Variants in IQCM observed in about 807,000 individuals in gnomAD.
IQCM encodes the protein IQ motif containing M, also known as IQ domain-containing protein M.
Under a neutral mutation model 57.6 loss-of-function variants are expected in IQCM, and 45 were observed. The ratio of observed to expected loss-of-function variants is 0.78; its 90% confidence interval spans 0.62 to 1.00. The LOEUF (loss-of-function observed/expected upper bound fraction) is 1.00, where lower values mean the gene tolerates loss of function less well. IQCM is among the 50% of genes least tolerant of loss of function. IQCM has a pLI of 0.00. For synonymous variants in IQCM, 148 were observed against 158.9 expected, an observed-to-expected ratio of 0.93 and a Z score of 0.51; for missense variants, 468 against 511.6, an observed-to-expected ratio of 0.91 and a Z score of 0.82.
chr4:149,376,052 T>C (rs114491810), intron 13 of IQCM, among the ~76,000 whole-genome samples: 2,655 of 152,244 alleles, frequency 0.017, 84 homozygotes, highest in African/African-American at 0.061. Context: ...GGGAATTCTG[T>C]AACCACCTCA....
intron 13 of IQCM, among the ~76,000 whole-genome samples, chr4:149,382,985 T>C (rs904954136): frequency 6.9e-6 from 1 of 145,670 alleles, no homozygotes; most frequent in Admixed American, 7.0e-5. Context: ...ATGGTCATAT[T>C]CTTCAGCAAA....
At chr4:149,765,174 T>C (rs1263110634) in intron 2 of IQCM, among the ~76,000 whole-genome samples, 3 of 152,142 alleles carry the variant, frequency 2.0e-5, no homozygotes. Context: ...TCTTATGTAC[T>C]AGCTAATGCT....
chr4:149,506,787 T>A (rs1162165140), intron 12 of IQCM, among the ~76,000 whole-genome samples: 1 of 152,104 alleles, frequency 6.6e-6, no homozygotes, highest in Non-Finnish European at 1.5e-5. Flanking sequence ...CCCAATAACA[T>A]CAGCCATTGC....
intron 12 of IQCM, among the ~76,000 whole-genome samples, chr4:149,512,537 C>T (rs1277939676): frequency 2.0e-5 from 3 of 152,062 alleles, no homozygotes; most frequent in Admixed American, 6.6e-5. Context: ...ATTTCTTTCT[C>T]TTTTAAATTG....
chr4:149,527,977 T>C (rs1291915513), intron 12 of IQCM, among the ~76,000 whole-genome samples: 1 of 106,446 alleles, frequency 9.4e-6, no homozygotes, highest in Non-Finnish European at 1.8e-5. Flanking sequence ...GAGAGATTTA[T>C]CTTGTTTTTT....
Position 149,369,032 on chromosome 4 carries a change from A to ACG in IQCM, c.1391-16967_1391-16966insCG, listed in dbSNP as rs369991334. Among the ~76,000 whole-genome samples, 159 of 63,042 alleles carry ACG rather than the reference A, an allele frequency of 2.5e-3. 19 individuals are homozygous for ACG. The highest frequency in any genetic ancestry group is 3.3e-3 in the Non-Finnish European group (96 of 28,894). 41.4% of individuals were successfully genotyped at this position (63,042 alleles called of 152,430 possible). ...TACACGTGTATATATATATATATAC[A>ACG]TGTGTATATATATATATGTATTTTT... On this transcript the variant is annotated intron_variant, in intron 13 of 13. Transcript: ENST00000636793.
chr4:149,426,688 G>A (rs764795469), intron 13 of IQCM, among the ~76,000 whole-genome samples: 1 of 151,898 alleles, frequency 6.6e-6, no homozygotes, highest in Non-Finnish European at 1.5e-5. Context: ...GTTCATCACC[G>A]CATACACCTC....
chr4:149,405,891 T>TATATATATATATATATATCTTC (rs1560808870), intron 13 of IQCM, among the ~76,000 whole-genome samples: 1 of 1,114 alleles, frequency 9.0e-4, no homozygotes, highest in African/African-American at 3.2e-3. Flanking sequence ...TATATCTTCA[T>TATATATATATATATATATCTTC]ATATATATAT....
chr4:149,515,722 TA>T (rs1720181591), intron 12 of IQCM, among the ~76,000 whole-genome samples: 1 of 152,110 alleles, frequency 6.6e-6, no homozygotes, highest in African/African-American at 2.4e-5. Flanking sequence ...GAAGGAAAAA[TA>T]ACCAGATGAG....
chr4:149,427,172 G>A (rs1734519027), intron 13 of IQCM, among the ~76,000 whole-genome samples: 1 of 151,906 alleles, frequency 6.6e-6, no homozygotes, highest in Non-Finnish European at 1.5e-5. Context: ...ACCTACTGCA[G>A]CCAAAACTCT....
In IQCM at chr4:149,515,698, G is replaced by T. The variant is rs144255598; in HGVS notation, c.1228+32757C>A. Among the ~76,000 whole-genome samples, 861 of 152,278 alleles carry T rather than the reference G, an allele frequency of 5.7e-3. 1 individual carries two copies. The highest frequency in any genetic ancestry group is 0.024 in the Middle Eastern group (7 of 294). The stretch of plus-strand genomic sequence containing the variant: ...AGAACTCTGAGCAGTACACTTGGTT[G>T]TGCACTTTGCATGGAAGGAAAAATA... On this transcript the variant is annotated intron_variant, in intron 12 of 13. Transcript: ENST00000636793.
chr4:149,784,753 C>A (rs1480237596), intron 2 of IQCM, among the ~76,000 whole-genome samples: 1 of 152,142 alleles, frequency 6.6e-6, no homozygotes, highest in Non-Finnish European at 1.5e-5. Context: ...ATATGCATTG[C>A]GAATGTCTGA....
intron 5 of IQCM, among the ~76,000 whole-genome samples, chr4:149,715,816 C>A (rs187694952): frequency 9.8e-5 from 15 of 152,334 alleles, no homozygotes; most frequent in Non-Finnish European, 1.6e-4. Context: ...GCAGATTCCT[C>A]TCCACAGGCA....
chr4:149,567,051 C>T (rs1365710979), intron 9 of IQCM, among the ~76,000 whole-genome samples: 3 of 152,074 alleles, frequency 2.0e-5, no homozygotes, highest in Non-Finnish European at 4.4e-5. Context: ...TTTTTGATTA[C>T]AGTTTGCTCT....
At chr4:149,625,805 G>A (rs1450737295) in intron 7 of IQCM, among the ~76,000 whole-genome samples, 1 of 152,074 alleles carries the variant, frequency 6.6e-6, no homozygotes, top group Non-Finnish European at 1.5e-5. Context: ...AATTCTTGCA[G>A]CTTAAAATAC....
At chr4:149,728,150 A>G (rs1371934030) in intron 5 of IQCM, among the ~76,000 whole-genome samples, 1 of 151,954 alleles carries the variant, frequency 6.6e-6, no homozygotes, top group Non-Finnish European at 1.5e-5. Flanking sequence ...AATCACATTA[A>G]CTCTTTTTTC....
At chr4:149,512,268 CAGTGTGGGAATGGGGAAT>C (rs994291393) in intron 12 of IQCM, among the ~76,000 whole-genome samples, 3 of 151,624 alleles carry the variant, frequency 2.0e-5, no homozygotes, top group African/African-American at 7.3e-5. Context: ...GTTGGGGGGG[CAGTGTGGGAATGGGGAAT>C]AGAAATATCA....
chr4:149,765,986 C>A (rs1031510979), intron 2 of IQCM, among the ~76,000 whole-genome samples: 24 of 152,186 alleles, frequency 1.6e-4, no homozygotes, highest in African/African-American at 5.8e-4. Flanking sequence ...TAGCCCCCTG[C>A]CCGCCAAATT....
chr4:149,367,984 T>C (rs1165945760), intron 13 of IQCM, among the ~76,000 whole-genome samples: 1 of 152,050 alleles, frequency 6.6e-6, no homozygotes, highest in African/African-American at 2.4e-5. Context: ...TGCTATTAGA[T>C]TGTGTCCTTG....
Sources: gnomAD v4.1 joint callset for allele counts (sites outside exome capture counted in the v4.1 genomes callset) on GRCh38, gnomAD v4.1.1 for gene constraint, MANE v1.5 for transcripts, NCBI Gene and HGNC (gene_info 2026-07-23, HGNC 2026-07-21) for gene names.